Variants in CXCR5 observed in about 807,000 individuals in gnomAD.
CXCR5 encodes C-X-C motif chemokine receptor 5, also known as C-X-C chemokine receptor type 5.
CXCR5 carries 3 observed loss-of-function variants against 5.6 expected under a neutral mutation model. That is an observed-to-expected ratio of 0.54 (90% CI 0.24 to 1.39). The LOEUF is 1.39. Among genes scored for constraint, CXCR5 ranks in the 40% most tolerant of loss-of-function variants. The pLI, the probability that CXCR5 is intolerant of heterozygous loss-of-function variation, is 0.16. For missense variants in CXCR5, 333 were observed against 494.6 expected, an observed-to-expected ratio of 0.67 and a Z score of 3.10; for synonymous variants, 218 against 219.9, an observed-to-expected ratio of 0.99 and a Z score of 0.08.
Position 118,886,284 on chromosome 11 carries a change from G to A in CXCR5, c.51+2292G>A, listed in dbSNP as rs112483400. The A allele has an allele frequency of 2.9e-3, 1,245 of 433,510 alleles. 22 individuals are homozygous for A. Among genetic ancestry groups the A allele is most frequent in the African/African-American group, 0.023 (1,112 of 47,714 alleles). 26.9% of individuals were successfully genotyped at this position (433,510 alleles called of 1,614,324 possible). ...AGGTATTGGTTCACATTCCTTGAAC[G>A]CTGGGTTTTACACTCTCATGTTGAG... On this transcript the variant is annotated intron_variant, in intron 1 of 1. Coordinates refer to ENST00000292174, the MANE Select transcript of CXCR5 (RefSeq NM_001716.5).
intron 1 of CXCR5, chr11:118,887,515 T>G: frequency 1.2e-6 from 1 of 833,244 alleles, no homozygotes; most frequent in Non-Finnish European, 1.4e-6. Flanking sequence ...CAGTACCTGC[T>G]TCTGATGGCC....
chr11:118,884,414 C>T (rs537207436), intron 1 of CXCR5, among the ~76,000 whole-genome samples: 12 of 152,134 alleles, frequency 7.9e-5, no homozygotes, highest in South Asian at 2.1e-4. Flanking sequence ...CATAGCTGTT[C>T]GTCTCTGGCC....
intron 1 of CXCR5, chr11:118,886,347 G>GAA (rs5795149): frequency 7.5e-3 from 3,033 of 403,468 alleles, no homozygotes; most frequent in Admixed American, 0.011. Context: ...AAACTTGCCA[G>GAA]AAAAAAAAAA....
chr11:118,894,447 C>G lies in CXCR5; in HGVS notation c.903C>G (p.Pro301=), dbSNP rs750477386. ...DNTCKLNGSL[P]VAITMCEFLG... is the part of the protein sequence containing the mutation. ...CCTGCAAGCTGAATGGCTCTCTCCC[C>G]GTGGCCATCACCATGTGTGAGTTCC... Residue 301 remains proline (P), a synonymous_variant, in exon 2 of 2, where the codon CCC becomes CCG. Transcript: ENST00000292174. The surrounding 1 kb of genome is among the most constrained non-coding windows in gnomAD (Gnocchi z 6.1). 2.5e-6 allele frequency: 4 copies of G among 1,613,884 alleles called. No individual in the cohort carries two copies. Among genetic ancestry groups the G allele is most frequent in the East Asian group, 4.5e-5 (2 of 44,890 alleles).
At chr11:118,888,747 A>G (rs909285846) in intron 1 of CXCR5, among the ~76,000 whole-genome samples, 13 of 152,110 alleles carry the variant, frequency 8.5e-5, no homozygotes, top group African/African-American at 3.1e-4. Flanking sequence ...ATGCAATTTC[A>G]TCTGGTTAGG....
intron 1 of CXCR5, 37 bp downstream of exon 1, chr11:118,884,029 C>G: frequency 6.2e-7 from 1 of 1,601,658 alleles, no homozygotes; most frequent in Non-Finnish European, 8.5e-7. Context: ...CGCCGAGGCC[C>G]TGTCTGGAAT....
At chr11:118,884,928 T>G (rs1939687567) in intron 1 of CXCR5, among the ~76,000 whole-genome samples, 1 of 152,098 alleles carries the variant, frequency 6.6e-6, no homozygotes, top group South Asian at 2.1e-4. Context: ...CTGTCTTTTC[T>G]CCCCCTGGAG....
rs745450982 is a variant in CXCR5 at position 118,884,005 on chromosome 11, G to A, written c.51+13G>A. On this transcript the variant is annotated intron_variant, in intron 1 of 1. Coordinates refer to ENST00000292174, the MANE Select transcript of CXCR5 (RefSeq NM_001716.5). ...CCTGGAGGACCTGGTGAGTAGACAC[G>A]GGTAGCTTCCTGTCGCCGAGGCCCT... The A allele has an allele frequency of 1.2e-5, 19 of 1,611,846 alleles. 1 individual carries two copies. The highest frequency in any genetic ancestry group is 3.3e-5 in the South Asian group (3 of 90,676).
At chr11:118,888,288 C>T (rs1038625557) in intron 1 of CXCR5, among the ~76,000 whole-genome samples, 2 of 152,134 alleles carry the variant, frequency 1.3e-5, no homozygotes, top group Admixed American at 6.5e-5. Context: ...TGAAACGCTA[C>T]CCCCTCAGCT....
chr11:118,897,593 G>T lies in CXCR5; in HGVS notation c.*2930G>T, dbSNP rs1359001827. On this transcript the variant is annotated 3_prime_UTR_variant, in exon 2 of 2. Coordinates refer to ENST00000292174, the MANE Select transcript of CXCR5 (RefSeq NM_001716.5). Reference sequence around the variant, plus strand: ...TGGTCTGACCTCAGTTTAGGAGTGGGTCATTTACGTCATCTTACCATTTGG... The same window carrying T: ...TGGTCTGACCTCAGTTTAGGAGTGGTTCATTTACGTCATCTTACCATTTGG... The T allele has an allele frequency of 5.5e-6, 2 of 361,666 alleles. No individual in the cohort carries two copies. The highest frequency in any genetic ancestry group is 1.1e-5 in the Non-Finnish European group (2 of 183,946). 22.4% of individuals were successfully genotyped at this position (361,666 alleles called of 1,614,324 possible). A position where few individuals can be genotyped will look rare whatever the true frequency, so the allele number is the denominator to read the frequency against.
chr11:118,886,411 C>T, intron 1 of CXCR5: 1 of 432,652 alleles, frequency 2.3e-6, no homozygotes, highest in Non-Finnish European at 4.5e-6. Context: ...TTCTGTATTC[C>T]ATTTGTCCTC....
chr11:118,894,540 C>T lies in CXCR5; in HGVS notation c.996C>T (p.Asp332=). 6.4e-7 allele frequency: 1 copy of T among 1,573,866 alleles called. No individual in the cohort carries two copies. The highest frequency in any genetic ancestry group is 8.6e-7 in the Non-Finnish European group (1 of 1,157,490). ...YTFAGVKFRS[D]LSRLLTKLGC... ...TCGCCGGCGTGAAGTTCCGCAGTGA[C>T]CTGTCGCGGCTCCTGACGAAGCTGG... The change falls in exon 2 of 2, where the codon GAC becomes GAT. Residue 332 remains aspartate, a synonymous_variant. Transcript: ENST00000292174. The surrounding 1 kb of genome is among the most constrained non-coding windows in gnomAD (Gnocchi z 6.1).
chr11:118,884,027 C>T (rs1167888343), intron 1 of CXCR5, 35 bp downstream of exon 1: 5 of 1,602,860 alleles, frequency 3.1e-6, no homozygotes, highest in Non-Finnish European at 4.3e-6. Flanking sequence ...GTCGCCGAGG[C>T]CCTGTCTGGA....
intron 1 of CXCR5, among the ~76,000 whole-genome samples, chr11:118,889,142 CA>C (rs1391627748): frequency 6.6e-6 from 1 of 152,228 alleles, no homozygotes; most frequent in Non-Finnish European, 1.5e-5. Context: ...GACACTGTTA[CA>C]GCCCCTGCTC....
In CXCR5 at chr11:118,894,550, C is replaced by G. The variant is rs766678024; in HGVS notation, c.1006C>G (p.Leu336Val). The G allele has an allele frequency of 6.4e-6, 10 of 1,567,810 alleles. No individual in the cohort carries two copies. The South Asian group carries it at 1.1e-4, about 17-fold the overall frequency. Residue 336 changes from leucine to valine, a missense_variant, in exon 2 of 2, where the codon CTC (leucine) becomes GTC (valine). By Grantham distance (32) the Leu-to-Val change is conservative (BLOSUM62 1). Transcript: ENST00000292174. The surrounding 1 kb of genome is among the most constrained non-coding windows in gnomAD (Gnocchi z 6.1). ...GAAGTTCCGCAGTGACCTGTCGCGGCTCCTGACGAAGCTGGGCTGTACCGG... is the reference window on the plus strand; with the variant it reads ...GAAGTTCCGCAGTGACCTGTCGCGGGTCCTGACGAAGCTGGGCTGTACCGG... The part of the protein sequence containing the change: ...GVKFRSDLSR[L>V]LTKLGCTGPA...
chr11:118,892,488 G>A (rs952738117), intron 1 of CXCR5, among the ~76,000 whole-genome samples: 2 of 152,044 alleles, frequency 1.3e-5, no homozygotes, highest in Non-Finnish European at 2.9e-5. Flanking sequence ...AATCCACATA[G>A]GTTGGTTATA....
At chr11:118,889,602 T>C (rs1210639954) in intron 1 of CXCR5, among the ~76,000 whole-genome samples, 1 of 152,158 alleles carries the variant, frequency 6.6e-6, no homozygotes, top group Non-Finnish European at 1.5e-5. Flanking sequence ...AGAACTCCTA[T>C]GTGTGGGAAG....
rs544525874 is a variant in CXCR5 at position 118,887,435 on chromosome 11, C to T, written c.51+3443C>T. The stretch of plus-strand genomic sequence containing the variant: ...GACGCTGGGGTGCCAGGTGGGGCTC[C>T]CTTAAGCCTAAAGACTTGCTGCAGA... On this transcript the variant is annotated intron_variant, in intron 1 of 1. Coordinates refer to ENST00000292174, the MANE Select transcript of CXCR5 (RefSeq NM_001716.5). 1.7e-4 allele frequency: 167 copies of T among 985,524 alleles called. No individual in the cohort carries two copies. The African/African-American group carries it at 2.7e-3, about 16-fold the overall frequency. The allele number at this position is 985,524 out of a possible 1,614,324, so 61.0% of individuals were successfully genotyped here.
Position 118,889,420 on chromosome 11 carries a change from G to A in CXCR5, c.52-4176G>A, listed in dbSNP as rs1037493439. Among the ~76,000 whole-genome samples, 26 of 152,224 alleles carry A rather than the reference G, an allele frequency of 1.7e-4. 1 individual carries two copies. Among genetic ancestry groups the A allele is most frequent in the Non-Finnish European group, 4.4e-5 (3 of 68,040 alleles). On this transcript the variant is annotated intron_variant, in intron 1 of 1. Transcript: ENST00000292174. ...TTTCATGTCAAAGAATGGGCACACC[G>A]CTCACGCAAATGGTCTGCCCTGTGC...
Sources: gnomAD v4.1 joint callset for allele counts (sites outside exome capture counted in the v4.1 genomes callset) on GRCh38, gnomAD v4.1.1 for gene constraint, Gnocchi (gnomAD v3.1) non-coding constraint, MANE v1.5 for transcripts, NCBI Gene and HGNC (gene_info 2026-07-23, HGNC 2026-07-21) for gene names.